Variants in CERT1 observed in about 807,000 individuals in gnomAD.
CERT1 encodes ceramide transfer protein.
CERT1 carries 31 observed loss-of-function variants against 87.9 expected under a neutral mutation model. The ratio of observed to expected loss-of-function variants is 0.35; its 90% CI spans 0.27 to 0.48. The LOEUF (loss-of-function observed/expected upper bound fraction) is 0.48. Among genes scored for constraint, CERT1 ranks in the 20% least tolerant of loss-of-function variants. The probability of loss-of-function intolerance (pLI) is 0.99; values close to 1 mark genes in which losing one functional copy is unlikely to be tolerated. For missense variants in CERT1, 487 were observed against 758.0 expected, an observed-to-expected ratio of 0.64 and a Z score of 4.20; for synonymous variants, 289 against 250.9, an observed-to-expected ratio of 1.15 and a Z score of -1.44.
chr5:75,485,199 G>GT (rs1176472264), intron 2 of CERT1, among the ~76,000 whole-genome samples: 1 of 149,702 alleles, frequency 6.7e-6, no homozygotes, highest in African/African-American at 2.5e-5. Flanking sequence ...TGGGAGTGGT[G>GT]TTTCACACCA....
intron 11 of CERT1, among the ~76,000 whole-genome samples, chr5:75,395,865 A>G (rs1762231103): frequency 6.6e-6 from 1 of 152,110 alleles, no homozygotes; most frequent in East Asian, 1.9e-4. Context: ...AACCCAAAAA[A>G]CAAAAATGAA....
chr5:75,473,050 T>C (rs1357814487), intron 2 of CERT1, among the ~76,000 whole-genome samples: 1 of 152,112 alleles, frequency 6.6e-6, no homozygotes, highest in South Asian at 2.1e-4. Flanking sequence ...AAATATAGTA[T>C]ATGAACACAA....
intron 7 of CERT1, among the ~76,000 whole-genome samples, chr5:75,413,259 A>G (rs539838765): frequency 6.6e-6 from 1 of 152,322 alleles, no homozygotes; most frequent in African/African-American, 2.4e-5. Flanking sequence ...CACTGACGGA[A>G]ATGTCGTTAT....
chr5:75,510,508 T>G lies in CERT1; in HGVS notation c.96+604A>C, dbSNP rs534042434. On this transcript the variant is annotated intron_variant, in intron 1 of 16. Coordinates refer to ENST00000643780, the MANE Select transcript of CERT1 (RefSeq NM_001379029.1). ...AGTCTCCATTCTCACATGTTCCAAG[T>G]TACTATGAATATTTCCTGTACCCAT... Among the ~76,000 whole-genome samples the G allele has an allele frequency of 6.6e-5, 10 of 152,310 alleles. No homozygotes were observed. In the South Asian group the frequency reaches 1.9e-3, roughly 28 times the overall value.
In CERT1 at chr5:75,511,609, T is replaced by A; in HGVS notation, c.-402A>T. ...TCACACCTCCGCTACCGCCGCCATC[T>A]TCCTGCCTGGCCCACTATTTACCCT... On this transcript the variant is annotated 5_prime_UTR_variant, in exon 1 of 17. The change creates a new upstream start codon in the 5' untranslated region. Transcript: ENST00000643780. The A allele has an allele frequency of 6.8e-7, 1 of 1,470,686 alleles. No individual in the cohort carries two copies. Among genetic ancestry groups the A allele is most frequent in the Non-Finnish European group, 9.0e-7 (1 of 1,110,152 alleles). 91.1% of individuals were successfully genotyped at this position (1,470,686 alleles called of 1,614,324 possible). A position where few individuals can be genotyped will look rare whatever the true frequency, so the allele number is the denominator to read the frequency against.
rs182637162 is a variant in CERT1 at position 75,482,282 on chromosome 5, T to C, written c.232-23101A>G. Among the ~76,000 whole-genome samples, 438 of 152,226 alleles carry C rather than the reference T, an allele frequency of 2.9e-3. 4 individuals are homozygous for C. Among genetic ancestry groups the C allele is most frequent in the African/African-American group, 9.7e-3 (404 of 41,544 alleles). On this transcript the variant is annotated intron_variant, in intron 2 of 16. Transcript: ENST00000643780. ...TTGGCAGTATCCAGGCAGTACTCATTACAGGCCTGGGGTGGTGGTTAACAC... is the reference window on the plus strand; with the variant it reads ...TTGGCAGTATCCAGGCAGTACTCATCACAGGCCTGGGGTGGTGGTTAACAC...
intron 2 of CERT1, among the ~76,000 whole-genome samples, chr5:75,488,158 G>C (rs1442618070): frequency 3.9e-5 from 6 of 151,926 alleles, no homozygotes; most frequent in Admixed American, 2.0e-4. Flanking sequence ...ACAGTGACTA[G>C]AGTGAACAAA....
chr5:75,427,886 C>T (rs943013571), intron 3 of CERT1, among the ~76,000 whole-genome samples: 1 of 151,988 alleles, frequency 6.6e-6, no homozygotes, highest in Non-Finnish European at 1.5e-5. Context: ...TAATTCTACT[C>T]AATAAACAAG....
chr5:75,493,521 G>A (rs1403098235), intron 2 of CERT1, among the ~76,000 whole-genome samples: 6 of 152,182 alleles, frequency 3.9e-5, no homozygotes, highest in Non-Finnish European at 8.8e-5. Context: ...TTCCAGCACT[G>A]CTTTTGAGAA....
intron 12 of CERT1, 112 bp from the exon 13 acceptor site, chr5:75,386,146 A>G (rs1445103124): frequency 6.3e-6 from 5 of 787,456 alleles, no homozygotes; most frequent in Non-Finnish European, 8.9e-6. Context: ...AAGTCTATTT[A>G]TAGAACATAT....
downstream of CERT1, chr5:75,374,031 T>A (rs779199163): frequency 2.5e-5 from 10 of 398,698 alleles, no homozygotes; most frequent in East Asian, 3.2e-4. Context: ...TAGTGTTAGA[T>A]GTTCAGCTTT....
At position 75,511,278 on chromosome 5, in the gene CERT1, C is replaced by A. The variant is rs548123904; in HGVS notation, c.-71G>T. ...TGCGCCGGAGGAGGCGCCCAGTCCT[C>A]GGGGTGAAGGGTCGGGGGATGGCGA... On this transcript the variant is annotated 5_prime_UTR_variant, in exon 1 of 17. Transcript: ENST00000643780. 26 of 1,584,002 alleles carry A rather than the reference C, an allele frequency of 1.6e-5. No homozygotes were observed. Among genetic ancestry groups the A allele is most frequent in the Non-Finnish European group, 2.2e-5 (26 of 1,165,200 alleles).
intron 8 of CERT1, among the ~76,000 whole-genome samples, chr5:75,407,412 G>T (rs998578492): frequency 2.7e-5 from 4 of 150,370 alleles, no homozygotes; most frequent in African/African-American, 9.8e-5. Context: ...TTACACGAAG[G>T]TTTAAAACTT....
Position 75,400,310 on chromosome 5 carries a change from A to G in CERT1, c.1018-13T>C, listed in dbSNP as rs1319268188. On this transcript the variant is annotated splice_polypyrimidine_tract_variant and intron_variant, in intron 9 of 16. Coordinates refer to ENST00000643780, the MANE Select transcript of CERT1 (RefSeq NM_001379029.1). ...TTTCACTCTGTGACTAAAAAAACATATAATATTAAGATGGGAAGGTTTTAA... is the reference window on the plus strand; with the variant it reads ...TTTCACTCTGTGACTAAAAAAACATGTAATATTAAGATGGGAAGGTTTTAA... 5.7e-6 allele frequency: 9 copies of G among 1,581,172 alleles called. No homozygotes were observed. Among genetic ancestry groups the G allele is most frequent in the South Asian group, 5.6e-5 (5 of 89,674 alleles).
At chr5:75,435,645 G>C (rs190044307) in intron 3 of CERT1, among the ~76,000 whole-genome samples, 1 of 152,290 alleles carries the variant, frequency 6.6e-6, no homozygotes, top group East Asian at 1.9e-4. Context: ...TGTGGTGTAA[G>C]TTGGGTTTAG....
intron 2 of CERT1, among the ~76,000 whole-genome samples, chr5:75,480,181 A>C (rs895980136): frequency 6.6e-6 from 1 of 152,206 alleles, no homozygotes; most frequent in Non-Finnish European, 1.5e-5. Context: ...CCCTGAGAAA[A>C]ACACTACATC....
At chr5:75,456,173 C>T (rs1764973449) in intron 3 of CERT1, among the ~76,000 whole-genome samples, 1 of 152,114 alleles carries the variant, frequency 6.6e-6, no homozygotes, top group Non-Finnish European at 1.5e-5. Context: ...ACAATGACAA[C>T]ATTTGAAATT....
chr5:75,413,688 C>T (rs115657200), intron 7 of CERT1, among the ~76,000 whole-genome samples: 156 of 151,272 alleles, frequency 1.0e-3, no homozygotes, highest in African/African-American at 3.4e-3. Flanking sequence ...CACACACAGA[C>T]GCACACACAC....
intron 2 of CERT1, among the ~76,000 whole-genome samples, chr5:75,473,632 T>C (rs537253576): frequency 6.6e-6 from 1 of 152,252 alleles, no homozygotes; most frequent in East Asian, 1.9e-4. Flanking sequence ...TATGGTTAGA[T>C]AGGAGGATTA....
Sources: gnomAD v4.1 joint callset for allele counts (sites outside exome capture counted in the v4.1 genomes callset) on GRCh38, gnomAD v4.1.1 for gene constraint, MANE v1.5 for transcripts, NCBI Gene and HGNC (gene_info 2026-07-23, HGNC 2026-07-21) for gene names.